Variants in SLC23A2 observed in about 807,000 individuals in gnomAD.
SLC23A2 encodes solute carrier family 23 member 2, also known as Na(+)/L-ascorbic acid transporter 2.
Under a neutral mutation model 73.3 loss-of-function variants are expected in SLC23A2, and 36 were observed. The observed-to-expected ratio is 0.49, with a 90% CI of 0.38 to 0.65. SLC23A2 has a LOEUF of 0.65. Ranked by LOEUF, SLC23A2 falls within the 30% of genes least tolerant of loss-of-function variation. SLC23A2 has a pLI of 0.00. For missense variants in SLC23A2, 507 were observed against 841.6 expected (o/e 0.60, Z 4.92); for synonymous variants, 343 against 327.3 (o/e 1.05, Z -0.52).
chr20:4,905,113 C>CAAA (rs56708379), intron 4 of SLC23A2, among the ~76,000 whole-genome samples: 8 of 96,736 alleles, frequency 8.3e-5, no homozygotes, highest in African/African-American at 7.9e-5. Context: ...GATTCTGTCA[C>CAAA]AAAAAAAAAA....
At chr20:4,910,246 G>A (rs534706339) in intron 4 of SLC23A2, among the ~76,000 whole-genome samples, 8 of 152,116 alleles carry the variant, frequency 5.3e-5, no homozygotes, top group East Asian at 3.9e-4. Context: ...GTATGATGGC[G>A]TGCGCCTCTG....
chr20:4,876,399 G>T (rs1425878596), intron 9 of SLC23A2, among the ~76,000 whole-genome samples: 2 of 152,140 alleles, frequency 1.3e-5, no homozygotes, highest in Non-Finnish European at 2.9e-5. Flanking sequence ...AGCAGATTAG[G>T]TAGCAGATGA....
intron 2 of SLC23A2, among the ~76,000 whole-genome samples, chr20:4,940,468 A>G (rs2087023298): frequency 6.6e-6 from 1 of 152,160 alleles, no homozygotes; most frequent in Non-Finnish European, 1.5e-5. Context: ...TTAAAAAAAA[A>G]ACCCAAAAAC....
At chr20:4,911,129 G>A (rs1385418140) in intron 4 of SLC23A2, among the ~76,000 whole-genome samples, 1 of 152,216 alleles carries the variant, frequency 6.6e-6, no homozygotes, top group African/African-American at 2.4e-5. Context: ...TTTGTTACAA[G>A]ATGGACCGTG....
chr20:4,996,415 C>A (rs1341721480), intron 1 of SLC23A2, among the ~76,000 whole-genome samples: 1 of 151,954 alleles, frequency 6.6e-6, no homozygotes, highest in East Asian at 1.9e-4. Flanking sequence ...GGGCCAGGCA[C>A]GGTGGCTCAT....
chr20:4,875,241 A>G (rs72552232), intron 9 of SLC23A2, among the ~76,000 whole-genome samples: 351 of 152,334 alleles, frequency 2.3e-3, no homozygotes, highest in African/African-American at 8.2e-3. Context: ...GCACGCATAA[A>G]TTACTTTTAA....
chr20:4,877,668 G>A (rs1930711892), intron 9 of SLC23A2, among the ~76,000 whole-genome samples: 1 of 152,174 alleles, frequency 6.6e-6, no homozygotes, highest in Admixed American at 6.5e-5. Flanking sequence ...GAATTTAACT[G>A]AATTGGAGGG....
At chr20:5,001,520 G>A (rs963553626), upstream of SLC23A2, 1 of 150,670 alleles carries the variant, frequency 6.6e-6, no homozygotes, top group African/African-American at 2.4e-5. Context: ...CGCCGCGGAG[G>A]GGCGGGCCGG....
At chr20:5,007,462 C>T (rs1233942652) in intron 1 of SLC23A2, among the ~76,000 whole-genome samples, 1 of 152,104 alleles carries the variant, frequency 6.6e-6, no homozygotes, top group Admixed American at 6.6e-5. Flanking sequence ...ACCTGGGAGG[C>T]AGAGGTTGCA....
chr20:4,901,602 C>T (rs1931747993), intron 5 of SLC23A2, among the ~76,000 whole-genome samples: 1 of 152,180 alleles, frequency 6.6e-6, no homozygotes, highest in South Asian at 2.1e-4. Context: ...TATGTCACCA[C>T]CCACCTTGTC....
At chr20:4,875,263 G>C (rs1314613847) in intron 9 of SLC23A2, among the ~76,000 whole-genome samples, 1 of 152,184 alleles carries the variant, frequency 6.6e-6, no homozygotes, top group Non-Finnish European at 1.5e-5. Context: ...AGAGCAAAAA[G>C]TAAGCTTCAC....
rs1172848559 is a variant in SLC23A2 at position 4,863,319 on chromosome 20, C to T, written c.1357-412G>A. The stretch of plus-strand genomic sequence containing the variant: ...AAACCCCCAGACATGTCTGGAACCT[C>T]CTCTCCTCACGGCACGCTTCCCGTG... On this transcript the variant is annotated intron_variant, in intron 13 of 16. Coordinates refer to ENST00000338244, the MANE Select transcript of SLC23A2 (RefSeq NM_005116.6). This position sits in a 1 kb window ranked among gnomAD's most constrained non-coding sequence, Gnocchi z 4.8. 6.6e-6 allele frequency among the ~76,000 whole-genome samples: 1 copy of T among 152,216 alleles called. No individual in the cohort carries two copies. The highest frequency in any genetic ancestry group is 1.5e-5 in the Non-Finnish European group (1 of 68,036).
chr20:4,859,440 C>G, intron 15 of SLC23A2, 56 bp from the exon 16 acceptor site: 5 of 1,178,034 alleles, frequency 4.2e-6, no homozygotes, highest in Non-Finnish European at 6.4e-6. Flanking sequence ...TGAGCCTGCC[C>G]TTGACTTGGG....
At position 4,856,717 on chromosome 20, in the gene SLC23A2, C is replaced by T. The variant is rs1929725447; in HGVS notation, c.*255G>A. On this transcript the variant is annotated 3_prime_UTR_variant, in exon 17 of 17. Transcript: ENST00000338244. This position sits in a 1 kb window ranked among gnomAD's most constrained non-coding sequence, Gnocchi z 4.6. ...GTCCACTCCAAAGGGAGGACTGGAACTTCAAATTTAGTGACCATGGCCAGC... is the reference window on the plus strand; with the variant it reads ...GTCCACTCCAAAGGGAGGACTGGAATTTCAAATTTAGTGACCATGGCCAGC... 4 of 435,524 alleles carry T rather than the reference C, an allele frequency of 9.2e-6. No individual in the cohort carries two copies. The highest frequency in any genetic ancestry group is 1.6e-5 in the Non-Finnish European group (4 of 243,250). The allele number at this position is 435,524 out of a possible 1,614,324, so 27.0% of individuals were successfully genotyped here. A position where few individuals can be genotyped will look rare whatever the true frequency, so the allele number is the denominator to read the frequency against.
chr20:4,962,528 G>A (rs928473674), intron 2 of SLC23A2, among the ~76,000 whole-genome samples: 5 of 152,222 alleles, frequency 3.3e-5, no homozygotes, highest in African/African-American at 7.2e-5. Flanking sequence ...TCTGGGAGAC[G>A]ACTGGGCCTT....
At chr20:4,958,979 G>C (rs2087336221) in intron 2 of SLC23A2, among the ~76,000 whole-genome samples, 1 of 151,996 alleles carries the variant, frequency 6.6e-6, no homozygotes, top group Non-Finnish European at 1.5e-5. Context: ...GGGAGGCCGA[G>C]GTGGGCAGAT....
chr20:4,857,241 CGTT>C lies in SLC23A2; in HGVS notation c.1721-40_1721-38del. 1 of 1,139,626 alleles carries C rather than the reference CGTT, an allele frequency of 8.8e-7. No homozygotes were observed. The highest frequency in any genetic ancestry group is 2.1e-5 in the Admixed American group (1 of 48,234). The allele number at this position is 1,139,626 out of a possible 1,614,324, so 70.6% of individuals were successfully genotyped here. A position where few individuals can be genotyped will look rare whatever the true frequency, so the allele number is the denominator to read the frequency against. ...CCCAAGATAGAACAAAGGAATGCTT[CGTT>C]TAGCAGCTCTACTGAAAATGAAACT... On this transcript the variant is annotated intron_variant, in intron 16 of 16. Transcript: ENST00000338244. The surrounding 1 kb of genome is among the most constrained non-coding windows in gnomAD (Gnocchi z 4.0).
intron 6 of SLC23A2, among the ~76,000 whole-genome samples, chr20:4,889,515 C>A (rs1238493123): frequency 6.6e-6 from 1 of 151,762 alleles, no homozygotes; most frequent in Admixed American, 6.6e-5. Flanking sequence ...AGGAACCAAG[C>A]CACAGAGGAC....
intron 2 of SLC23A2, among the ~76,000 whole-genome samples, chr20:4,941,017 G>A (rs943880024): frequency 6.6e-6 from 1 of 152,076 alleles, no homozygotes; most frequent in African/African-American, 2.4e-5. Context: ...TTAGCTCAGC[G>A]TGGTGGTGCA....
Sources: gnomAD v4.1 joint callset for allele counts (sites outside exome capture counted in the v4.1 genomes callset) on GRCh38, gnomAD v4.1.1 for gene constraint, Gnocchi (gnomAD v3.1) non-coding constraint, MANE v1.5 for transcripts, NCBI Gene and HGNC (gene_info 2026-07-23, HGNC 2026-07-21) for gene names.